WDR70: variants seen among roughly 807,000 people sequenced by gnomAD.
WDR70 encodes WD repeat-containing protein 70.
A neutral mutation model predicts 88.6 loss-of-function variants in WDR70; 53 were observed. The ratio of observed to expected loss-of-function variants is 0.60; its 90% CI spans 0.48 to 0.75. The LOEUF is 0.75. Among genes scored for constraint, WDR70 ranks in the 30% least tolerant of loss-of-function variants. The pLI, the probability that WDR70 is intolerant of heterozygous loss-of-function variation, is 0.00. For missense variants in WDR70, 610 were observed against 823.2 expected (o/e 0.74, Z 3.17); for synonymous variants, 280 against 270.0 (o/e 1.04, Z -0.36).
At chr5:37,712,994 A>G (rs1490050624) in intron 13 of WDR70, among the ~76,000 whole-genome samples, 1 of 152,140 alleles carries the variant, frequency 6.6e-6, no homozygotes, top group Non-Finnish European at 1.5e-5. Context: ...GCCTGGCCTC[A>G]TTCTCTCTTA....
At chr5:37,451,597 A>G (rs1168185129) in intron 7 of WDR70, among the ~76,000 whole-genome samples, 3 of 146,240 alleles carry the variant, frequency 2.1e-5, no homozygotes, top group South Asian at 2.3e-4. Context: ...AACTACCACA[A>G]TAGATAACAA....
chr5:37,551,498 G>A (rs1742144416), intron 9 of WDR70, among the ~76,000 whole-genome samples: 1 of 151,846 alleles, frequency 6.6e-6, no homozygotes, highest in Non-Finnish European at 1.5e-5. Context: ...GGGAGGCCGA[G>A]GCAGGTGGAT....
At chr5:37,503,454 C>T (rs2112225152) in intron 8 of WDR70, among the ~76,000 whole-genome samples, 1 of 152,196 alleles carries the variant, frequency 6.6e-6, no homozygotes. Flanking sequence ...AGTTTGTGTT[C>T]TTCCCCTCTA....
At chr5:37,693,579 A>C (rs565632292) in intron 10 of WDR70, among the ~76,000 whole-genome samples, 1 of 152,348 alleles carries the variant, frequency 6.6e-6, no homozygotes, top group South Asian at 2.1e-4. Flanking sequence ...GATCTTTGAC[A>C]AACCTGACAA....
At chr5:37,443,209 G>T (rs574953219) in intron 6 of WDR70, 30 bp from the exon 7 acceptor site, 3 of 1,562,220 alleles carry the variant, frequency 1.9e-6, no homozygotes, top group Admixed American at 1.9e-5. Context: ...ATTTTGCTCC[G>T]GTCATTTTAT....
intron 10 of WDR70, among the ~76,000 whole-genome samples, chr5:37,676,135 C>T (rs1581485786): frequency 6.7e-6 from 1 of 149,752 alleles, no homozygotes; most frequent in Non-Finnish European, 1.5e-5. Context: ...AGATTTTGGG[C>T]TGAGACAATG....
intron 9 of WDR70, among the ~76,000 whole-genome samples, chr5:37,571,569 C>T (rs1422683800): frequency 6.6e-6 from 1 of 152,122 alleles, no homozygotes; most frequent in Non-Finnish European, 1.5e-5. Flanking sequence ...CAAGGGTTTA[C>T]ATTGGAAGAG....
At chr5:37,695,594 A>T (rs962032439) in intron 10 of WDR70, among the ~76,000 whole-genome samples, 5 of 152,146 alleles carry the variant, frequency 3.3e-5, no homozygotes, top group Non-Finnish European at 7.3e-5. Flanking sequence ...TTTCCTTGAC[A>T]TGTGGCCCCC....
At chr5:37,608,899 A>G (rs1430696298) in intron 10 of WDR70, among the ~76,000 whole-genome samples, 1 of 152,130 alleles carries the variant, frequency 6.6e-6, no homozygotes, top group African/African-American at 2.4e-5. Flanking sequence ...TATTTGCTGC[A>G]TGAGGGAAAG....
chr5:37,390,959 G>A (rs538359983), intron 3 of WDR70, among the ~76,000 whole-genome samples: 3 of 152,024 alleles, frequency 2.0e-5, no homozygotes, highest in East Asian at 1.9e-4. Flanking sequence ...CCAGTGATCC[G>A]CCCACCTTGG....
chr5:37,672,173 A>G (rs1338370969), intron 10 of WDR70, among the ~76,000 whole-genome samples: 1 of 152,148 alleles, frequency 6.6e-6, no homozygotes, highest in Non-Finnish European at 1.5e-5. Context: ...AACCAGGGTC[A>G]CAGTGCACGG....
intron 10 of WDR70, among the ~76,000 whole-genome samples, chr5:37,665,786 G>A (rs189840731): frequency 5.3e-5 from 8 of 152,292 alleles, no homozygotes; most frequent in Admixed American, 2.6e-4. Context: ...TTGCTTTGTC[G>A]TATAGTTGGA....
intron 10 of WDR70, among the ~76,000 whole-genome samples, chr5:37,657,405 G>T (rs1745584115): frequency 6.6e-6 from 1 of 152,150 alleles, no homozygotes; most frequent in Non-Finnish European, 1.5e-5. Flanking sequence ...TGATCTCTCT[G>T]GGAGCTGCAG....
At chr5:37,420,218 A>C (rs1749902394) in intron 5 of WDR70, among the ~76,000 whole-genome samples, 1 of 152,172 alleles carries the variant, frequency 6.6e-6, no homozygotes, top group South Asian at 2.1e-4. Context: ...TAAATAAATA[A>C]AAAGAGAAAA....
At chr5:37,635,593 A>C (rs2112532135) in intron 10 of WDR70, among the ~76,000 whole-genome samples, 1 of 152,290 alleles carries the variant, frequency 6.6e-6, no homozygotes, top group Non-Finnish European at 1.5e-5. Flanking sequence ...TTGGTGTAGA[A>C]GTTAAATGGA....
intron 10 of WDR70, among the ~76,000 whole-genome samples, chr5:37,668,649 A>G (rs1183812444): frequency 6.6e-6 from 1 of 152,224 alleles, no homozygotes; most frequent in African/African-American, 2.4e-5. Context: ...AGAAGATTCC[A>G]GAGCGGTGGC....
intron 5 of WDR70, among the ~76,000 whole-genome samples, chr5:37,400,694 T>G (rs1330962904): frequency 1.3e-5 from 2 of 152,226 alleles, no homozygotes; most frequent in African/African-American, 4.8e-5. Flanking sequence ...CTCTATTGTT[T>G]TAAGTCACCC....
At position 37,485,751 on chromosome 5, in the gene WDR70, G is replaced by T. The variant is rs1464383309; in HGVS notation, c.840+5764G>T. Among the ~76,000 whole-genome samples, 4 of 151,772 alleles carry T rather than the reference G, an allele frequency of 2.6e-5. 1 individual carries two copies. In the East Asian group the frequency reaches 7.7e-4, roughly 29 times the overall value. On this transcript the variant is annotated intron_variant, in intron 8 of 17. Transcript: ENST00000265107. ...CTGTTGCTCAGGCTGGAGTGCAGTG[G>T]TGCAGTCTTGGCTCACTGCAACCTC...
chr5:37,737,894 T>C (rs556167801), intron 17 of WDR70, among the ~76,000 whole-genome samples: 1 of 152,230 alleles, frequency 6.6e-6, no homozygotes, highest in South Asian at 2.1e-4. Context: ...CTCTCACACA[T>C]AGCATAATGA....
Sources: gnomAD v4.1 joint callset for allele counts (sites outside exome capture counted in the v4.1 genomes callset) on GRCh38, gnomAD v4.1.1 for gene constraint, MANE v1.5 for transcripts, NCBI Gene and HGNC (gene_info 2026-07-23, HGNC 2026-07-21) for gene names.